VPS13A: variants seen among roughly 807,000 people sequenced by gnomAD.
The protein encoded by VPS13A is intermembrane lipid transfer protein VPS13A.
In VPS13A, 264 loss-of-function variants were observed where a neutral mutation model predicts 390.9. The observed-to-expected ratio is 0.68, with a 90% CI of 0.61 to 0.75. The LOEUF (loss-of-function observed/expected upper bound fraction) is 0.75, where lower values mean the gene tolerates loss of function less well. Ranked by LOEUF, VPS13A falls within the 30% of genes least tolerant of loss-of-function variation. The probability of loss-of-function intolerance (pLI) is 0.00; values close to 1 mark genes in which losing one functional copy is unlikely to be tolerated. For missense variants in VPS13A, 3,409 were observed against 3,733.9 expected (o/e 0.91, Z 2.27); for synonymous variants, 1,231 against 1,227.1 (o/e 1.00, Z -0.07).
intron 33 of VPS13A, among the ~76,000 whole-genome samples, chr9:77,296,602 C>T (rs995491942): frequency 2.6e-5 from 4 of 152,172 alleles, no homozygotes; most frequent in Middle Eastern, 3.4e-3. Flanking sequence ...CCTGTGCTTT[C>T]TTTGATCAAT....
In VPS13A at chr9:77,244,082, T is replaced by C. The variant is rs76946381; in HGVS notation, c.1901-3177T>C. On this transcript the variant is annotated intron_variant, in intron 19 of 71. Coordinates refer to ENST00000360280, the MANE Select transcript of VPS13A (RefSeq NM_033305.3). ...GTGAGACCTTGTCTCTACAAAAAAT[T>C]ACAAAATTAGTCAGGTTTGGTGACG... Among the ~76,000 whole-genome samples the C allele has an allele frequency of 2.1e-3, 314 of 152,040 alleles. 1 individual carries two copies. The highest frequency in any genetic ancestry group is 6.4e-3 in the African/African-American group (266 of 41,460).
intron 33 of VPS13A, among the ~76,000 whole-genome samples, chr9:77,299,898 G>T (rs1359946473): frequency 6.6e-6 from 1 of 152,002 alleles, no homozygotes; most frequent in Non-Finnish European, 1.5e-5. Flanking sequence ...GGACACAGGA[G>T]GGGGAACATC....
intron 68 of VPS13A, among the ~76,000 whole-genome samples, chr9:77,392,730 TAAA>T (rs1254760559): frequency 6.1e-5 from 9 of 148,656 alleles, no homozygotes; most frequent in African/African-American, 2.5e-5. Context: ...ATACACTATA[TAAA>T]ACTATATATA....
intron 13 of VPS13A, among the ~76,000 whole-genome samples, chr9:77,225,081 C>T (rs904305018): frequency 3.3e-5 from 5 of 152,150 alleles, no homozygotes; most frequent in Non-Finnish European, 7.4e-5. Context: ...AATGCCATTG[C>T]ACCCTTAATA....
At position 77,357,884 on chromosome 9, in the gene VPS13A, G is replaced by A. The variant is rs754619236; in HGVS notation, c.7953+46G>A. On this transcript the variant is annotated intron_variant, in intron 56 of 71. Transcript: ENST00000360280. ...AGGCAAAATTGTATTCTAAAGGAAT[G>A]CAATAAGAAACCAGATCTATTCCCA... 5 of 1,543,960 alleles carry A rather than the reference G, an allele frequency of 3.2e-6. No individual in the cohort carries two copies. The South Asian group carries it at 4.5e-5, about 14-fold the overall frequency.
At position 77,392,574 on chromosome 9, in the gene VPS13A, T is replaced by A. The variant is rs572149002; in HGVS notation, c.9189+10487T>A. 2.0e-3 allele frequency among the ~76,000 whole-genome samples: 307 copies of A among 152,218 alleles called. 1 individual carries two copies. Among genetic ancestry groups the A allele is most frequent in the Admixed American group, 4.1e-3 (62 of 15,284 alleles). The stretch of plus-strand genomic sequence containing the variant: ...TGTATGTACAGCCATACCTCAGAGA[T>A]ACTGCACGTTCAGTTCCAGACCACC... On this transcript the variant is annotated intron_variant, in intron 68 of 71. Coordinates refer to ENST00000360280, the MANE Select transcript of VPS13A (RefSeq NM_033305.3).
intron 67 of VPS13A, among the ~76,000 whole-genome samples, chr9:77,373,594 A>G (rs541655925): frequency 1.3e-5 from 2 of 150,124 alleles, no homozygotes; most frequent in East Asian, 1.9e-4. Context: ...TTCATGTCCA[A>G]AACACCAAAA....
chr9:77,337,646 C>A, intron 47 of VPS13A, 109 bp downstream of exon 47: 1 of 1,125,548 alleles, frequency 8.9e-7, no homozygotes, highest in South Asian at 1.5e-5. Context: ...AATTAGAATA[C>A]TAGTAAAGAA....
chr9:77,315,463 GGAA>G lies in VPS13A; in HGVS notation c.4628_4630del (p.Glu1543del), dbSNP rs1332229539. 6.2e-7 allele frequency: 1 copy of G among 1,613,714 alleles called. No individual in the cohort carries two copies. Among genetic ancestry groups the G allele is most frequent in the Admixed American group, 1.7e-5 (1 of 59,990 alleles). On this transcript the variant is annotated inframe_deletion, in exon 38 of 72. Transcript: ENST00000360280. ...CCAGTGTGCAAACATGGACTGCTAA[GGAA>G]GAAGGTTAGTTATTGGCTAAAATAT...
chr9:77,247,186 A>G (rs1356550873), intron 19 of VPS13A, 73 bp from the exon 20 acceptor site: 2 of 1,266,322 alleles, frequency 1.6e-6, no homozygotes, highest in African/African-American at 1.5e-5. Flanking sequence ...TTATCAGTTC[A>G]TATATTTAGT....
At chr9:77,291,797 AG>A (rs1364209244) in intron 31 of VPS13A, among the ~76,000 whole-genome samples, 5 of 152,132 alleles carry the variant, frequency 3.3e-5, no homozygotes, top group Admixed American at 2.0e-4. Flanking sequence ...ACTCCTAGCC[AG>A]GGCTGTTTCT....
At chr9:77,313,848 C>A (rs1447168428) in intron 35 of VPS13A, 144 bp from the exon 36 acceptor site, 1 of 913,126 alleles carries the variant, frequency 1.1e-6, no homozygotes, top group Non-Finnish European at 1.6e-6. Flanking sequence ...CTGAGTTTTA[C>A]ATCTGAATTT....
At chr9:77,338,773 G>A (rs1429779099) in intron 47 of VPS13A, 2 of 152,186 alleles carry the variant, frequency 1.3e-5, no homozygotes, top group Admixed American at 6.6e-5. Context: ...GGAAAAACTG[G>A]TGAGATATTC....
chr9:77,214,786 CTA>C (rs1227904738), intron 10 of VPS13A, among the ~76,000 whole-genome samples: 1 of 152,096 alleles, frequency 6.6e-6, no homozygotes, highest in East Asian at 1.9e-4. Flanking sequence ...TTATACTTTT[CTA>C]TGTTTTCCTA....
At chr9:77,342,091 A>G (rs1830859083) in intron 50 of VPS13A, among the ~76,000 whole-genome samples, 1 of 152,116 alleles carries the variant, frequency 6.6e-6, no homozygotes, top group Admixed American at 6.5e-5. Context: ...CATTGGAGTG[A>G]CATTTGAACA....
chr9:77,420,882 CTG>C lies in VPS13A; in HGVS notation c.*4877_*4878del, dbSNP rs1835318850. 6.6e-6 allele frequency: 1 copy of C among 152,116 alleles called. No homozygotes were observed. Among genetic ancestry groups the C allele is most frequent in the South Asian group, 2.1e-4 (1 of 4,826 alleles). 9.4% of individuals were successfully genotyped at this position (152,116 alleles called of 1,614,324 possible). A position where few individuals can be genotyped will look rare whatever the true frequency, so the allele number is the denominator to read the frequency against. On this transcript the variant is annotated 3_prime_UTR_variant, in exon 72 of 72. Transcript: ENST00000360280. ...TACTCAAAAGTTCCCAGTTCTTAGGCTGAAAAACATTCAAGTAAAAATGTAGC... is the reference window on the plus strand; with the variant it reads ...TACTCAAAAGTTCCCAGTTCTTAGGCAAAAACATTCAAGTAAAAATGTAGC...
At chr9:77,180,749 T>C (rs1270861022) in intron 1 of VPS13A, among the ~76,000 whole-genome samples, 1 of 152,254 alleles carries the variant, frequency 6.6e-6, no homozygotes. Flanking sequence ...GACTTAATAT[T>C]GTGTGGCTTT....
chr9:77,348,323 G>T (rs934615911), intron 52 of VPS13A, among the ~76,000 whole-genome samples: 5 of 152,136 alleles, frequency 3.3e-5, no homozygotes, highest in African/African-American at 1.2e-4. Context: ...CCTTTGCAAG[G>T]ACATGGATGG....
At chr9:77,210,845 T>C (rs1825942311) in intron 7 of VPS13A, among the ~76,000 whole-genome samples, 170 bp downstream of exon 7, 1 of 152,162 alleles carries the variant, frequency 6.6e-6, no homozygotes, top group Non-Finnish European at 1.5e-5. Flanking sequence ...TTTCAAAAAA[T>C]GGTTGAAAAT....
Sources: gnomAD v4.1 joint callset for allele counts (sites outside exome capture counted in the v4.1 genomes callset) on GRCh38, gnomAD v4.1.1 for gene constraint, MANE v1.5 for transcripts, NCBI Gene and HGNC (gene_info 2026-07-23, HGNC 2026-07-21) for gene names.